The following RASGRF2 variants were observed in gnomAD, a reference collection of about 807,000 sequenced individuals.
RASGRF2 encodes ras-specific guanine nucleotide-releasing factor 2.
A neutral mutation model predicts 151.0 loss-of-function variants in RASGRF2; 76 were observed. That is an observed-to-expected ratio of 0.50 (90% CI 0.42 to 0.61). The LOEUF (loss-of-function observed/expected upper bound fraction) is 0.61. Ranked by LOEUF, RASGRF2 falls within the 20% of genes least tolerant of loss-of-function variation. The probability of loss-of-function intolerance (pLI) is 0.00; values close to 1 mark genes in which losing one functional copy is unlikely to be tolerated. For synonymous variants in RASGRF2, 504 were observed against 566.5 expected (o/e 0.89, Z 1.57); for missense variants, 1,148 against 1,564.6 (o/e 0.73, Z 4.49).
Position 81,112,604 on chromosome 5 carries a change from A to C in RASGRF2, c.1839-6A>C. ...TTTACCATCATGTTCCTGCCTTTGC[A>C]CGTAGGTCTGATGCCCGTCTTCATA... is the stretch of plus-strand genomic sequence containing the variant. On this transcript the variant is annotated splice_polypyrimidine_tract_variant and splice_region_variant and intron_variant, in intron 13 of 26. Transcript: ENST00000265080. The C allele has an allele frequency of 6.2e-7, 1 of 1,614,052 alleles. No individual in the cohort carries two copies.
chr5:81,154,872 A>ATGGAGGTTTCCTT lies in RASGRF2; in HGVS notation c.2687-25303_2687-25302insTGGAGGTTTCCTT, dbSNP rs1298072623. Among the ~76,000 whole-genome samples, 8 of 152,292 alleles carry ATGGAGGTTTCCTT rather than the reference A, an allele frequency of 5.3e-5. No homozygotes were observed. The East Asian group carries it at 1.5e-3, about 29-fold the overall frequency. Reference sequence around the variant, plus strand: ...GAGAAACCTCCACACTGGTTTCCATAATGGCTGTACTAATTTACCTTTTCA... The same window carrying ATGGAGGTTTCCTT: ...GAGAAACCTCCACACTGGTTTCCATATGGAGGTTTCCTTATGGCTGTACTAATTTACCTTTTCA... On this transcript the variant is annotated intron_variant, in intron 17 of 26. Transcript: ENST00000265080.
At chr5:80,973,871 C>T (rs1014571811) in intron 1 of RASGRF2, among the ~76,000 whole-genome samples, 2 of 152,128 alleles carry the variant, frequency 1.3e-5, no homozygotes, top group African/African-American at 2.4e-5. Context: ...TATATAGATT[C>T]GTTCAAGAGC....
chr5:80,966,204 G>A (rs1048299385), intron 1 of RASGRF2, among the ~76,000 whole-genome samples: 2 of 151,912 alleles, frequency 1.3e-5, no homozygotes, highest in Non-Finnish European at 2.9e-5. Flanking sequence ...ATTGGAGTTT[G>A]CAGATTTTGA....
intron 1 of RASGRF2, among the ~76,000 whole-genome samples, chr5:80,983,777 A>G (rs1420121915): frequency 1.3e-5 from 2 of 152,236 alleles, no homozygotes; most frequent in African/African-American, 4.8e-5. Flanking sequence ...AAAAACCCAT[A>G]AAAGAGCTCA....
chr5:81,167,643 T>C (rs1201397255), intron 17 of RASGRF2, among the ~76,000 whole-genome samples: 1 of 152,146 alleles, frequency 6.6e-6, no homozygotes, highest in Non-Finnish European at 1.5e-5. Context: ...CATGAGCAGC[T>C]GCAGGCAGGG....
intron 1 of RASGRF2, among the ~76,000 whole-genome samples, chr5:81,039,938 C>T (rs1316525587): frequency 6.6e-6 from 1 of 152,146 alleles, no homozygotes; most frequent in East Asian, 1.9e-4. Context: ...TTCAGAGGTA[C>T]AGCGTCATTC....
chr5:80,980,628 C>T (rs1199697622), intron 1 of RASGRF2, among the ~76,000 whole-genome samples: 1 of 151,508 alleles, frequency 6.6e-6, no homozygotes, highest in Non-Finnish European at 1.5e-5. Context: ...GGCGACTGAG[C>T]CAGACTCCAT....
intron 2 of RASGRF2, among the ~76,000 whole-genome samples, chr5:81,046,955 A>G (rs966979212): frequency 3.9e-5 from 6 of 152,152 alleles, no homozygotes; most frequent in Admixed American, 1.3e-4. Context: ...GACCTAGACT[A>G]TGACATTTGG....
At position 81,037,069 on chromosome 5, in the gene RASGRF2, T is replaced by C. The variant is rs139890509; in HGVS notation, c.289-5808T>C. Among the ~76,000 whole-genome samples the C allele has an allele frequency of 1.2e-3, 185 of 152,254 alleles. 3 individuals carry two copies. Among genetic ancestry groups the C allele is most frequent in the African/African-American group, 4.3e-3 (179 of 41,568 alleles). ...TAGCAGTCACAGAAGAGAGAGCTTG[T>C]GCAAGGCAACTCCCATTTACAAAAC... is the stretch of plus-strand genomic sequence containing the variant. On this transcript the variant is annotated intron_variant, in intron 1 of 26. Coordinates refer to ENST00000265080, the MANE Select transcript of RASGRF2 (RefSeq NM_006909.3).
chr5:81,191,375 T>C (rs762144175), intron 18 of RASGRF2, among the ~76,000 whole-genome samples: 9 of 152,244 alleles, frequency 5.9e-5, no homozygotes, highest in Admixed American at 1.3e-4. Context: ...GTGCATCTTC[T>C]CCTTGGGGAA....
intron 17 of RASGRF2, among the ~76,000 whole-genome samples, chr5:81,150,168 G>A (rs1418668105): frequency 6.6e-6 from 1 of 152,222 alleles, no homozygotes. Context: ...GGCCATGAGG[G>A]CACGTAAGAA....
At chr5:81,109,431 G>A (rs1192487911) in intron 13 of RASGRF2, among the ~76,000 whole-genome samples, 1 of 152,192 alleles carries the variant, frequency 6.6e-6, no homozygotes, top group Non-Finnish European at 1.5e-5. Context: ...CGAGGCGGGT[G>A]GATTACCTGA....
In RASGRF2 at chr5:81,073,258, T is replaced by G; in HGVS notation, c.693T>G (p.Asp231Glu). Reference protein sequence around the residue: ...CRRKWKTIVQDYICSPHAESM... With the variant: ...CRRKWKTIVQEYICSPHAESM... ...GGAAATGGAAGACCATCGTGCAGGA[T>G]TACATTTGTTCTCCTCATGCTGAAA... Residue 231 changes from aspartate (D) to glutamate (E), a missense_variant, in exon 5 of 27, where the codon GAT becomes GAG. Transcript: ENST00000265080. 8 of 1,613,782 alleles carry G rather than the reference T, an allele frequency of 5.0e-6. No individual in the cohort carries two copies. Among genetic ancestry groups the G allele is most frequent in the Non-Finnish European group, 6.8e-6 (8 of 1,179,670 alleles).
chr5:81,181,272 C>T (rs550107147), intron 18 of RASGRF2, among the ~76,000 whole-genome samples: 23 of 152,240 alleles, frequency 1.5e-4, no homozygotes, highest in African/African-American at 5.5e-4. Context: ...ACAGTCTGTT[C>T]AATAGGGTCA....
chr5:81,041,606 A>T (rs555227637), intron 1 of RASGRF2, among the ~76,000 whole-genome samples: 1 of 152,308 alleles, frequency 6.6e-6, no homozygotes, highest in South Asian at 2.1e-4. Context: ...TTGCTGGAAC[A>T]TGGAGTGGTT....
intron 17 of RASGRF2, among the ~76,000 whole-genome samples, chr5:81,169,839 T>TGTACCACCTGTATCACCCATACCACC (rs1561242510): frequency 5.4e-5 from 7 of 129,720 alleles, no homozygotes; most frequent in African/African-American, 2.2e-4. Flanking sequence ...CCTGCATCAC[T>TGTACCACCTGTATCACCCATACCACC]TGCATCACCT....
chr5:81,002,738 A>T (rs997000153), intron 1 of RASGRF2, among the ~76,000 whole-genome samples: 3 of 152,176 alleles, frequency 2.0e-5, no homozygotes, highest in Admixed American at 1.3e-4. Flanking sequence ...ATCTTTCAGG[A>T]TATTGCAAGG....
chr5:81,190,090 G>A (rs138392108), intron 18 of RASGRF2, among the ~76,000 whole-genome samples: 12 of 152,252 alleles, frequency 7.9e-5, no homozygotes, highest in African/African-American at 2.4e-4. Context: ...CAGCCTCTGC[G>A]TATCTCAGCT....
intron 11 of RASGRF2, 97 bp downstream of exon 11, chr5:81,094,459 T>A (rs1033223428): frequency 8.1e-7 from 1 of 1,235,650 alleles, no homozygotes; most frequent in Non-Finnish European, 1.1e-6. Context: ...TATGAAAAAT[T>A]GAACCATTTA....
Sources: allele counts gnomAD v4.1 joint callset (sites outside exome capture counted in the v4.1 genomes callset), GRCh38; gene constraint gnomAD v4.1.1; transcripts MANE v1.5; gene names NCBI Gene and HGNC (gene_info 2026-07-23, HGNC 2026-07-21).